The following VPS8 variants were observed in gnomAD, a reference collection of about 807,000 sequenced individuals.
The protein encoded by VPS8 is vacuolar protein sorting-associated protein 8 homolog.
A neutral mutation model predicts 216.4 loss-of-function variants in VPS8; 129 were observed. The ratio of observed to expected loss-of-function variants is 0.60; its 90% CI spans 0.52 to 0.69. The LOEUF (loss-of-function observed/expected upper bound fraction) is 0.69. Among genes scored for constraint, VPS8 ranks in the 30% least tolerant of loss-of-function variants. VPS8 has a pLI of 0.00. For missense variants in VPS8, 1,531 were observed against 1,683.5 expected (o/e 0.91, Z 1.59); for synonymous variants, 571 against 565.4 (o/e 1.01, Z -0.14).
chr3:185,048,011 A>G (rs1235408932), intron 46 of VPS8, among the ~76,000 whole-genome samples: 1 of 152,196 alleles, frequency 6.6e-6, no homozygotes, highest in Admixed American at 6.5e-5. Context: ...CAGCAGACGA[A>G]TCTTGCAACC....
intron 36 of VPS8, among the ~76,000 whole-genome samples, chr3:184,953,161 G>A (rs1745004966): frequency 6.6e-6 from 1 of 152,184 alleles, no homozygotes; most frequent in African/African-American, 2.4e-5. Context: ...GGTTTGCAGT[G>A]AGAGAACGGA....
chr3:184,924,743 A>G (rs1739256745), intron 29 of VPS8, 119 bp from the exon 30 acceptor site: 3 of 1,300,348 alleles, frequency 2.3e-6, no homozygotes, highest in Admixed American at 2.8e-5. Flanking sequence ...TGCACAGTCA[A>G]TAAAAGAATC....
chr3:184,970,714 C>T (rs2109627265), intron 39 of VPS8, among the ~76,000 whole-genome samples: 1 of 152,176 alleles, frequency 6.6e-6, no homozygotes, highest in African/African-American at 2.4e-5. Context: ...ATTAGGAGTC[C>T]TTGGTGGTTT....
At chr3:184,943,863 A>G (rs1743171391) in intron 36 of VPS8, among the ~76,000 whole-genome samples, 1 of 152,238 alleles carries the variant, frequency 6.6e-6, no homozygotes, top group Non-Finnish European at 1.5e-5. Context: ...GTACTTTGGG[A>G]GGCCAAGGCG....
At chr3:184,994,564 A>C (rs1287654586) in intron 43 of VPS8, among the ~76,000 whole-genome samples, 1 of 152,182 alleles carries the variant, frequency 6.6e-6, no homozygotes, top group African/African-American at 2.4e-5. Flanking sequence ...AATGCATCTA[A>C]TTCAAATTTA....
chr3:185,024,531 C>T, intron 46 of VPS8, 142 bp downstream of exon 46: 1 of 997,090 alleles, frequency 1.0e-6, no homozygotes, highest in Non-Finnish European at 1.4e-6. Context: ...GCTTTAATGA[C>T]ATGTCTCCAG....
At chr3:185,051,569 C>T (rs2108564488) in intron 47 of VPS8, among the ~76,000 whole-genome samples, 1 of 152,226 alleles carries the variant, frequency 6.6e-6, no homozygotes, top group East Asian at 1.9e-4. Flanking sequence ...TGGAGGAGCC[C>T]TCAGCACAGG....
chr3:184,824,408 T>G, intron 1 of VPS8, 137 bp from the exon 2 acceptor site: 1 of 517,650 alleles, frequency 1.9e-6, no homozygotes, highest in Non-Finnish European at 3.5e-6. Flanking sequence ...TGTACCCCAC[T>G]GTTAATTTCA....
intron 45 of VPS8, among the ~76,000 whole-genome samples, chr3:185,017,402 A>G (rs974257406): frequency 6.6e-6 from 1 of 152,292 alleles, no homozygotes; most frequent in South Asian, 2.1e-4. Context: ...GATTTACCCA[A>G]TAAGCTGCTT....
At chr3:184,870,450 G>T (rs1219591319) in intron 20 of VPS8, among the ~76,000 whole-genome samples, 1 of 152,164 alleles carries the variant, frequency 6.6e-6, no homozygotes, top group Admixed American at 6.5e-5. Context: ...TGAAGAACTT[G>T]AATGTTTCAT....
chr3:184,849,373 G>A (rs1723826368), intron 9 of VPS8, 178 bp downstream of exon 9: 7 of 659,094 alleles, frequency 1.1e-5, no homozygotes, highest in Admixed American at 3.3e-5. Context: ...AATTGTTATC[G>A]ACTGACCCAG....
chr3:184,992,956 G>T (rs1277638710), intron 42 of VPS8, among the ~76,000 whole-genome samples: 1 of 152,034 alleles, frequency 6.6e-6, no homozygotes, highest in Admixed American at 6.5e-5. Context: ...ATTGAGATTT[G>T]CAGCCACTAG....
chr3:184,919,478 A>G (rs1301648582), intron 28 of VPS8, among the ~76,000 whole-genome samples: 2 of 152,284 alleles, frequency 1.3e-5, no homozygotes, highest in South Asian at 4.1e-4. Flanking sequence ...ACACGCTGTT[A>G]CATATACTGA....
intron 13 of VPS8, 127 bp from the exon 14 acceptor site, chr3:184,855,583 CT>C: frequency 1.3e-6 from 1 of 765,268 alleles, no homozygotes; most frequent in South Asian, 1.6e-5. Flanking sequence ...TTAGTTCTTG[CT>C]TTACTGAGAA....
chr3:184,812,827 G>A (rs969134468), intron 1 of VPS8: 3 of 152,304 alleles, frequency 2.0e-5, no homozygotes, highest in African/African-American at 7.2e-5. Context: ...AAACAGGTGT[G>A]GACCCCTTTA....
intron 40 of VPS8, among the ~76,000 whole-genome samples, chr3:184,975,106 A>G (rs901903061): frequency 6.6e-6 from 1 of 151,332 alleles, no homozygotes; most frequent in Non-Finnish European, 1.5e-5. Context: ...TGTTACTGGT[A>G]TTTTGATAGG....
intron 4 of VPS8, among the ~76,000 whole-genome samples, chr3:184,833,060 G>A (rs1348806061): frequency 1.3e-5 from 2 of 152,096 alleles, no homozygotes; most frequent in Admixed American, 1.3e-4. Flanking sequence ...CTGGAAGCAG[G>A]AGAGCCCTTG....
intron 45 of VPS8, among the ~76,000 whole-genome samples, chr3:185,023,428 C>T (rs920339245): frequency 3.9e-5 from 6 of 152,090 alleles, no homozygotes; most frequent in African/African-American, 1.4e-4. Flanking sequence ...CTGGACGCAG[C>T]TCATGCCTGT....
intron 45 of VPS8, among the ~76,000 whole-genome samples, chr3:185,001,278 C>T (rs1233691648): frequency 6.6e-6 from 1 of 152,168 alleles, no homozygotes; most frequent in Non-Finnish European, 1.5e-5. Context: ...ACTTTAGATG[C>T]CAGTCACAAA....
Sources: allele counts gnomAD v4.1 joint callset (sites outside exome capture counted in the v4.1 genomes callset), GRCh38; gene constraint gnomAD v4.1.1; transcripts MANE v1.5; gene names NCBI Gene and HGNC (gene_info 2026-07-23, HGNC 2026-07-21).